LRRIQ1: variants seen among roughly 807,000 people sequenced by gnomAD.
LRRIQ1 encodes the protein leucine rich repeats and IQ motif containing 1, also known as leucine-rich repeat- and IQ domain-containing protein 1.
LRRIQ1 carries 210 observed loss-of-function variants against 211.9 expected under a neutral mutation model. The ratio of observed to expected loss-of-function variants is 0.99; its 90% CI spans 0.89 to 1.11. The LOEUF (loss-of-function observed/expected upper bound fraction) is 1.11. Ranked by LOEUF, LRRIQ1 falls within the 50% of genes most tolerant of loss-of-function variation. LRRIQ1 has a pLI of 0.00. For missense variants in LRRIQ1, 2,136 were observed against 1,939.5 expected (o/e 1.10, Z -1.90); for synonymous variants, 699 against 650.1 (o/e 1.08, Z -1.14).
At chr12:85,271,989 C>G in the LRRIQ1 span, among the ~76,000 whole-genome samples, 4 of 152,052 alleles carry the variant, frequency 2.6e-5, no homozygotes, top group South Asian at 8.3e-4. Context: ...TGGATGATAC[C>G]TGAAGAAATT....
chr12:85,251,979 A>G (rs746802515), intron 1 of LRRIQ1, among the ~76,000 whole-genome samples: 11 of 151,926 alleles, frequency 7.2e-5, no homozygotes, highest in Non-Finnish European at 1.6e-4. Context: ...CTTTGCAATG[A>G]TTCTAATCTT....
chr12:85,200,998 T>A (rs533475120), intron 24 of LRRIQ1, among the ~76,000 whole-genome samples: 2 of 151,718 alleles, frequency 1.3e-5, no homozygotes, highest in Non-Finnish European at 2.9e-5. Context: ...TTTTCTTTTT[T>A]TTTTGTATTT....
At chr12:85,138,024 A>G (rs1889262293) in intron 19 of LRRIQ1, 55 bp downstream of exon 19, 2 of 1,051,380 alleles carry the variant, frequency 1.9e-6, no homozygotes, top group Non-Finnish European at 2.7e-6. Context: ...TAAGTGTACT[A>G]TTTTGAAGAT....
At chr12:85,158,567 T>A (rs921531679) in intron 23 of LRRIQ1, among the ~76,000 whole-genome samples, 1 of 152,000 alleles carries the variant, frequency 6.6e-6, no homozygotes, top group Non-Finnish European at 1.5e-5. Context: ...AATGCTTAAC[T>A]AAAATTATAT....
intron 11 of LRRIQ1, among the ~76,000 whole-genome samples, chr12:85,089,827 T>G (rs545302701): frequency 1.2e-4 from 19 of 152,220 alleles, no homozygotes; most frequent in Admixed American, 6.5e-4. Flanking sequence ...AAAGCTTTTT[T>G]GGGGGGAGTA....
At chr12:85,203,380 T>C in intron 24 of LRRIQ1, among the ~76,000 whole-genome samples, 1 of 151,776 alleles carries the variant, frequency 6.6e-6, no homozygotes, top group Non-Finnish European at 1.5e-5. Flanking sequence ...TTGCTATCAG[T>C]AGAGTGGGGC....
At chr12:85,145,580 C>G (rs1889836092) in intron 19 of LRRIQ1, among the ~76,000 whole-genome samples, 1 of 151,762 alleles carries the variant, frequency 6.6e-6, no homozygotes, top group African/African-American at 2.4e-5. Flanking sequence ...TTACCTGTAA[C>G]AGCAGGCAGC....
Position 85,229,595 on chromosome 12 carries a change from G to C in LRRIQ1, c.4901G>C (p.Trp1634Ser), listed in dbSNP as rs778293387. ...CGGAATAGAGAATATACATACCAAT[G>C]GCTTCACACACAGGTTGGGGTTCAT... ...LERNREYTYQ[W>S]LHTQVGVHET... The change falls in exon 25 of 27, where the codon TGG (tryptophan) becomes TCG (serine). Residue 1634 changes from tryptophan to serine, a missense_variant. Trp to Ser is a radical substitution (Grantham distance 177, BLOSUM62 -3). Coordinates refer to ENST00000393217, the MANE Select transcript of LRRIQ1 (RefSeq NM_001079910.2). 9.9e-6 allele frequency: 16 copies of C among 1,612,928 alleles called. No individual in the cohort carries two copies. Among genetic ancestry groups the C allele is most frequent in the East Asian group, 2.2e-5 (1 of 44,792 alleles).
chr12:85,161,921 T>G (rs998644617), intron 24 of LRRIQ1, among the ~76,000 whole-genome samples: 2 of 151,890 alleles, frequency 1.3e-5, no homozygotes, highest in Non-Finnish European at 2.9e-5. Flanking sequence ...GCTCCTGTAG[T>G]CCCAGCTACT....
chr12:85,238,498 T>C (rs1895300588), intron 26 of LRRIQ1, among the ~76,000 whole-genome samples: 1 of 152,004 alleles, frequency 6.6e-6, no homozygotes, highest in African/African-American at 2.4e-5. Flanking sequence ...ATACATGATA[T>C]ACAGGGGACC....
At chr12:85,048,608 G>A (rs1879935170) in intron 6 of LRRIQ1, 3 of 151,484 alleles carry the variant, frequency 2.0e-5, no homozygotes, top group South Asian at 4.2e-4. Flanking sequence ...ACATTAAATT[G>A]TAATATTGTA....
At chr12:85,244,362 T>C (rs1464901031) in intron 26 of LRRIQ1, among the ~76,000 whole-genome samples, 2 of 151,522 alleles carry the variant, frequency 1.3e-5, no homozygotes, top group Non-Finnish European at 3.0e-5. Flanking sequence ...TTTCAGAGAA[T>C]TTTATTGATA....
intron 18 of LRRIQ1, among the ~76,000 whole-genome samples, 172 bp from the exon 19 acceptor site, chr12:85,137,678 C>T (rs547978745): frequency 5.3e-5 from 8 of 151,578 alleles, no homozygotes; most frequent in Admixed American, 6.6e-5. Flanking sequence ...AGACACATGT[C>T]GTCGTTTAAT....
rs143360436 is a variant in LRRIQ1, at chr12:85,264,183, C to T, written c.*1123C>T. ...TTTTGGATCCCTATTGCATTGCAAA[C>T]CTATAAATCTCTTTTAACTTGATTG... is the stretch of plus-strand genomic sequence containing the variant. On this transcript the variant is annotated 3_prime_UTR_variant, in exon 2 of 2. Transcript: ENST00000602731. 1.1e-4 allele frequency: 17 copies of T among 152,064 alleles called. No individual in the cohort carries two copies. In the East Asian group the frequency reaches 3.3e-3, roughly 29 times the overall value. 9.4% of individuals were successfully genotyped at this position (152,064 alleles called of 1,614,324 possible).
At chr12:85,270,541 C>T in the LRRIQ1 span, among the ~76,000 whole-genome samples, 1 of 152,100 alleles carries the variant, frequency 6.6e-6, no homozygotes, top group African/African-American at 2.4e-5. Flanking sequence ...TAATTATATA[C>T]TTCATATTCT....
At chr12:85,210,523 AAC>A (rs1483746593) in intron 24 of LRRIQ1, among the ~76,000 whole-genome samples, 1 of 152,206 alleles carries the variant, frequency 6.6e-6, no homozygotes, top group East Asian at 1.9e-4. Flanking sequence ...AAATTAAGAA[AAC>A]AGTTTTATCA....
chr12:85,184,352 A>T (rs1283410728), intron 24 of LRRIQ1, among the ~76,000 whole-genome samples: 1 of 152,082 alleles, frequency 6.6e-6, no homozygotes, highest in Non-Finnish European at 1.5e-5. Flanking sequence ...TATAAAATAA[A>T]TAAGTAAATA....
intron 11 of LRRIQ1, among the ~76,000 whole-genome samples, chr12:85,077,416 A>G (rs1370572253): frequency 1.3e-5 from 2 of 152,208 alleles, no homozygotes; most frequent in Non-Finnish European, 2.9e-5. Context: ...AAGCTAAACA[A>G]TATTTAAGCA....
At chr12:85,072,811 G>T in intron 10 of LRRIQ1, 96 bp from the exon 11 acceptor site, 2 of 688,130 alleles carry the variant, frequency 2.9e-6, no homozygotes, top group East Asian at 3.2e-5. Context: ...TTTATTTTTT[G>T]CTCCAGGTTT....
Sources: allele counts gnomAD v4.1 joint callset (sites outside exome capture counted in the v4.1 genomes callset), GRCh38; gene constraint gnomAD v4.1.1; transcripts MANE v1.5; gene names NCBI Gene and HGNC (gene_info 2026-07-23, HGNC 2026-07-21).